FAM83A: variants seen among roughly 807,000 people sequenced by gnomAD.
The protein encoded by FAM83A is protein FAM83A.
Under a neutral mutation model 24.4 loss-of-function variants are expected in FAM83A, and 21 were observed. The observed-to-expected ratio is 0.86, with a 90% CI of 0.61 to 1.24. FAM83A has a LOEUF of 1.24. Ranked by LOEUF, FAM83A falls within the 50% of genes most tolerant of loss-of-function variation. The pLI, the probability that FAM83A is intolerant of heterozygous loss-of-function variation, is 0.00. For synonymous variants in FAM83A, 270 were observed against 252.4 expected (o/e 1.07, Z -0.66); for missense variants, 617 against 579.8 (o/e 1.06, Z -0.66).
At chr8:123,199,519 G>A (rs1440138506) in intron 3 of FAM83A, among the ~76,000 whole-genome samples, 2 of 152,282 alleles carry the variant, frequency 1.3e-5, no homozygotes, top group Non-Finnish European at 2.9e-5. Flanking sequence ...CAGATCACCT[G>A]AGGTCAGGAG....
intron 1 of FAM83A, among the ~76,000 whole-genome samples, chr8:123,189,521 C>T (rs976810294): frequency 3.3e-5 from 5 of 152,206 alleles, no homozygotes; most frequent in African/African-American, 1.2e-4. Context: ...CTAAGGAAAA[C>T]TCAAGCTGGA....
intron 1 of FAM83A, among the ~76,000 whole-genome samples, chr8:123,188,586 C>G (rs7814158): frequency 6.6e-6 from 1 of 151,670 alleles, no homozygotes; most frequent in Non-Finnish European, 1.5e-5. Context: ...CAGGTTCAAG[C>G]GATTCTCCTG....
upstream of FAM83A, chr8:123,182,064 G>A (rs539406785): frequency 3.9e-5 from 18 of 456,270 alleles, no homozygotes; most frequent in African/African-American, 1.0e-4. Context: ...GTGGGCCGCC[G>A]GCAGCCTCGG....
chr8:123,192,020 G>A (rs905143693), intron 2 of FAM83A, 50 bp downstream of exon 2: 8 of 1,588,060 alleles, frequency 5.0e-6, no homozygotes, highest in Non-Finnish European at 6.0e-6. Context: ...GCCCAGATAG[G>A]ATAGTCTATG....
At chr8:123,193,403 C>T (rs17377409) in intron 2 of FAM83A, among the ~76,000 whole-genome samples, 27,578 of 152,158 alleles carry the variant, frequency 0.18, 2,687 homozygotes, top group Admixed American at 0.24. Context: ...GGCATTAGGC[C>T]CTTGCTTTTC....
intron 2 of FAM83A, 92 bp from the exon 3 acceptor site, chr8:123,193,932 G>C: frequency 6.7e-7 from 1 of 1,500,484 alleles, no homozygotes; most frequent in South Asian, 1.2e-5. Context: ...ACACAGAATG[G>C]GGGTAAAGGG....
chr8:123,207,840 C>A (rs1824617077), exon 4 of FAM83A: 1 of 1,389,162 alleles, frequency 7.2e-7, no homozygotes. Context: ...GGCCCCAGGC[C>A]ATCCACTTGC....
At chr8:123,203,586 CAA>C (rs1187426797) in intron 3 of FAM83A, among the ~76,000 whole-genome samples, 18 of 41,170 alleles carry the variant, frequency 4.4e-4, no homozygotes, top group African/African-American at 1.0e-3. Flanking sequence ...AGATCTGTCT[CAA>C]AAAAAAAAAA....
At chr8:123,195,226 G>A (rs780462864) in intron 3 of FAM83A, among the ~76,000 whole-genome samples, 1 of 152,172 alleles carries the variant, frequency 6.6e-6, no homozygotes, top group Non-Finnish European at 1.5e-5. Flanking sequence ...GTAGTGACCA[G>A]TGAAATATGA....
chr8:123,194,720 G>C (rs1271507874), intron 3 of FAM83A, among the ~76,000 whole-genome samples: 1 of 152,180 alleles, frequency 6.6e-6, no homozygotes, highest in Non-Finnish European at 1.5e-5. Context: ...CTGACCTCAG[G>C]TGATCCACCC....
chr8:123,196,700 G>A (rs551012647), intron 3 of FAM83A, among the ~76,000 whole-genome samples: 7 of 152,244 alleles, frequency 4.6e-5, no homozygotes, highest in East Asian at 3.9e-4. Flanking sequence ...TATTAAGTTC[G>A]TCAAGGCTAT....
In FAM83A at chr8:123,192,074, C is replaced by A. The variant is rs989384253; in HGVS notation, c.648+104C>A. 5 of 1,322,886 alleles carry A rather than the reference C, an allele frequency of 3.8e-6. No individual in the cohort carries two copies. In the African/African-American group the frequency reaches 7.3e-5, roughly 19 times the overall value. 81.9% of individuals were successfully genotyped at this position (1,322,886 alleles called of 1,614,324 possible). A position where few individuals can be genotyped will look rare whatever the true frequency, so the allele number is the denominator to read the frequency against. On this transcript the variant is annotated intron_variant, in intron 2 of 3. Coordinates refer to ENST00000690554, the Ensembl canonical transcript of FAM83A. Reference sequence around the variant, plus strand: ...CTCATCTTGTGTTAATAGCTTAACACAATAAAGGTTCATTTCTTGCTCAAA... The same window carrying A: ...CTCATCTTGTGTTAATAGCTTAACAAAATAAAGGTTCATTTCTTGCTCAAA...
chr8:123,189,674 G>T (rs1318126006), intron 1 of FAM83A, among the ~76,000 whole-genome samples: 1 of 152,112 alleles, frequency 6.6e-6, no homozygotes, highest in African/African-American at 2.4e-5. Context: ...CTTATCTGTG[G>T]CCTGGATGCT....
chr8:123,202,778 AAAAT>A (rs756633993), intron 3 of FAM83A: 3 of 152,502 alleles, frequency 2.0e-5, no homozygotes, highest in Non-Finnish European at 4.4e-5. Context: ...GAATAGAATA[AAAAT>A]AATCAGACCA....
At chr8:123,182,063 C>T (rs570836625), upstream of FAM83A, 14 of 456,280 alleles carry the variant, frequency 3.1e-5, no homozygotes, top group African/African-American at 1.0e-4. Context: ...CGTGGGCCGC[C>T]GGCAGCCTCG....
chr8:123,198,928 G>A (rs957456614), intron 3 of FAM83A, among the ~76,000 whole-genome samples: 4 of 152,004 alleles, frequency 2.6e-5, no homozygotes, highest in Non-Finnish European at 2.9e-5. Context: ...TAGTAGAGAC[G>A]GGGGTTTCAC....
chr8:123,182,953 G>T lies in FAM83A; in HGVS notation c.97G>T (p.Glu33Ter), dbSNP rs74621346. 2 of 1,606,496 alleles carry T rather than the reference G, an allele frequency of 1.2e-6. No homozygotes were observed. The highest frequency in any genetic ancestry group is 1.7e-6 in the Non-Finnish European group (2 of 1,176,008). ...AGCCAGGGCTGACTTTAGTGACAAC[G>T]AGAGTGCCCGGCTGGCCACGGACGC... The change falls in exon 1 of 4, where the codon GAG becomes TAG. Residue 33 changes from glutamate to a stop codon, truncating the protein, a stop_gained. Transcript: ENST00000690554. LOFTEE classifies it high-confidence loss of function.
chr8:123,184,884 G>C (rs181004017), intron 1 of FAM83A, among the ~76,000 whole-genome samples: 4 of 152,186 alleles, frequency 2.6e-5, no homozygotes, highest in Non-Finnish European at 4.4e-5. Context: ...TTGGTTTTTT[G>C]CTAGGGTCCC....
At chr8:123,193,945 C>T (rs1824058591) in intron 2 of FAM83A, 79 bp from the exon 3 acceptor site, 6 of 1,560,854 alleles carry the variant, frequency 3.8e-6, no homozygotes, top group South Asian at 2.3e-5. Context: ...GTAAAGGGAA[C>T]ATAAACATCC....
Sources: gnomAD v4.1 joint callset for allele counts (sites outside exome capture counted in the v4.1 genomes callset) on GRCh38, gnomAD v4.1.1 for gene constraint, MANE v1.5 for transcripts, NCBI Gene and HGNC (gene_info 2026-07-23, HGNC 2026-07-21) for gene names.